TEAD1: variants seen among roughly 807,000 people sequenced by gnomAD.
TEAD1 encodes the protein TEA domain transcription factor 1.
A neutral mutation model predicts 54.9 loss-of-function variants in TEAD1; 9 were observed. That is an observed-to-expected ratio of 0.16 (90% CI 0.10 to 0.29). The LOEUF (loss-of-function observed/expected upper bound fraction) is 0.29, where lower values mean the gene tolerates loss of function less well. Ranked by LOEUF, TEAD1 falls within the 10% of genes least tolerant of loss-of-function variation. The pLI, the probability that TEAD1 is intolerant of heterozygous loss-of-function variation, is 1.00. For missense variants in TEAD1, 387 were observed against 535.9 expected, an observed-to-expected ratio of 0.72 and a Z score of 2.74; for synonymous variants, 200 against 187.8, an observed-to-expected ratio of 1.07 and a Z score of -0.53.
At position 12,775,889 on chromosome 11, in the gene TEAD1, T is replaced by C. The variant is rs146890502; in HGVS notation, c.202+11455T>C. Among the ~76,000 whole-genome samples, 1,194 of 152,218 alleles carry C rather than the reference T, an allele frequency of 7.8e-3. 20 individuals carry two copies. The highest frequency in any genetic ancestry group is 0.028 in the African/African-American group (1,141 of 41,474). ...TCTGGTTCTGAGTAAAGGATATTCA[T>C]TAAAGAAAAATGTGGAAAATAGCAA... On this transcript the variant is annotated intron_variant, in intron 3 of 12. Coordinates refer to ENST00000527636, the MANE Select transcript of TEAD1 (RefSeq NM_021961.6).
intron 7 of TEAD1, 47 bp downstream of exon 7, chr11:12,881,098 GCCC>G: frequency 1.2e-6 from 2 of 1,602,534 alleles, no homozygotes; most frequent in Non-Finnish European, 1.7e-6. Flanking sequence ...GCTGGTCCCA[GCCC>G]ACGTGGGGAG....
intron 11 of TEAD1, among the ~76,000 whole-genome samples, chr11:12,925,394 A>G (rs1948886959): frequency 6.6e-6 from 1 of 152,152 alleles, no homozygotes; most frequent in Non-Finnish European, 1.5e-5. Context: ...TTAAACCATC[A>G]GATCTGGTGA....
chr11:12,940,874 G>C lies in TEAD1; in HGVS notation c.*3652G>C, dbSNP rs1949156249. The C allele has an allele frequency of 6.6e-6, 1 of 152,232 alleles. No individual in the cohort carries two copies. The highest frequency in any genetic ancestry group is 2.4e-5 in the African/African-American group (1 of 41,460). 9.4% of individuals were successfully genotyped at this position (152,232 alleles called of 1,614,324 possible). On this transcript the variant is annotated 3_prime_UTR_variant, in exon 13 of 13. Transcript: ENST00000527636. The stretch of plus-strand genomic sequence containing the variant: ...ACCTCTGGAACATTTCACCTTTAGA[G>C]ATGGAGGATGGAAGGATTGGTACCA...
intron 5 of TEAD1, among the ~76,000 whole-genome samples, chr11:12,878,302 T>C (rs1313168010): frequency 6.6e-6 from 1 of 152,212 alleles, no homozygotes; most frequent in Non-Finnish European, 1.5e-5. Context: ...GCCTTGCTTT[T>C]GATGCCTTGA....
chr11:12,726,645 A>C (rs1944319756), intron 2 of TEAD1, among the ~76,000 whole-genome samples: 1 of 152,056 alleles, frequency 6.6e-6, no homozygotes, highest in Non-Finnish European at 1.5e-5. Flanking sequence ...GAGGCTGGCC[A>C]ATTGCTTGAG....
intron 2 of TEAD1, among the ~76,000 whole-genome samples, chr11:12,704,058 A>G (rs2133842295): frequency 6.6e-6 from 1 of 152,324 alleles, no homozygotes; most frequent in African/African-American, 2.4e-5. Flanking sequence ...GACTCCTACC[A>G]AGTCAGAGAT....
At chr11:12,871,005 T>C (rs943177122) in intron 5 of TEAD1, among the ~76,000 whole-genome samples, 1 of 152,206 alleles carries the variant, frequency 6.6e-6, no homozygotes, top group Non-Finnish European at 1.5e-5. Flanking sequence ...TGTGTTTGTC[T>C]CCTACTCAGA....
At chr11:12,843,537 TTAGAG>T (rs1947082733) in intron 3 of TEAD1, among the ~76,000 whole-genome samples, 1 of 152,190 alleles carries the variant, frequency 6.6e-6, no homozygotes, top group South Asian at 2.1e-4. Flanking sequence ...TAAACCAGTC[TTAGAG>T]TAAATTATAA....
chr11:12,705,376 T>C (rs1051539559), intron 2 of TEAD1, among the ~76,000 whole-genome samples: 1 of 152,128 alleles, frequency 6.6e-6, no homozygotes, highest in Admixed American at 6.5e-5. Flanking sequence ...TCGGTGTCAT[T>C]GTAGAGTGAT....
chr11:12,780,081 A>T (rs367667330), intron 3 of TEAD1, among the ~76,000 whole-genome samples: 49 of 152,284 alleles, frequency 3.2e-4, no homozygotes, highest in African/African-American at 1.1e-3. Flanking sequence ...AAATGAAATA[A>T]AAATTACTCA....
chr11:12,835,170 G>GT (rs1331925612), intron 3 of TEAD1, among the ~76,000 whole-genome samples: 4 of 151,866 alleles, frequency 2.6e-5, no homozygotes, highest in Non-Finnish European at 2.9e-5. Context: ...AACCTTGTTG[G>GT]TTTTTTTTAG....
intron 2 of TEAD1, among the ~76,000 whole-genome samples, chr11:12,679,625 A>T (rs1009292360): frequency 2.0e-5 from 3 of 152,220 alleles, no homozygotes; most frequent in Admixed American, 6.5e-5. Context: ...GAACTTTTTT[A>T]AAAAAATGCA....
chr11:12,858,320 A>G (rs192971877), intron 3 of TEAD1, among the ~76,000 whole-genome samples: 37 of 152,310 alleles, frequency 2.4e-4, no homozygotes, highest in African/African-American at 7.9e-4. Flanking sequence ...TTTTAGTAGA[A>G]TTAGAGCCAT....
chr11:12,827,581 C>T (rs1946682134), intron 3 of TEAD1, among the ~76,000 whole-genome samples: 1 of 152,160 alleles, frequency 6.6e-6, no homozygotes, highest in Non-Finnish European at 1.5e-5. Context: ...ATTTGAATCC[C>T]ATCTACTGAT....
In TEAD1 at chr11:12,797,402, C is replaced by T. The variant is rs115329339; in HGVS notation, c.202+32968C>T. Among the ~76,000 whole-genome samples, 1,049 of 152,258 alleles carry T rather than the reference C, an allele frequency of 6.9e-3. 14 individuals carry two copies. The highest frequency in any genetic ancestry group is 0.023 in the African/African-American group (948 of 41,554). On this transcript the variant is annotated intron_variant, in intron 3 of 12. Coordinates refer to ENST00000527636, the MANE Select transcript of TEAD1 (RefSeq NM_021961.6). The stretch of plus-strand genomic sequence containing the variant: ...GTCCTCAGACTAGGGCTTTCACAGA[C>T]GGTTGGCACCCTATCCAATGACAAT...
At chr11:12,848,348 C>A (rs1947199204) in intron 3 of TEAD1, among the ~76,000 whole-genome samples, 1 of 152,134 alleles carries the variant, frequency 6.6e-6, no homozygotes, top group Non-Finnish European at 1.5e-5. Flanking sequence ...AGGCTTTATT[C>A]TTCTGTATTG....
chr11:12,933,571 T>C (rs1438544714), intron 12 of TEAD1, among the ~76,000 whole-genome samples: 1 of 152,210 alleles, frequency 6.6e-6, no homozygotes, highest in Non-Finnish European at 1.5e-5. Flanking sequence ...TATGTCTTTT[T>C]TCGTCCCCAA....
intron 3 of TEAD1, among the ~76,000 whole-genome samples, chr11:12,779,972 G>C (rs1434423397): frequency 6.6e-6 from 1 of 152,180 alleles, no homozygotes. Context: ...AATAGTAAAA[G>C]ACTGAATGCT....
chr11:12,749,715 T>C (rs1217031011), intron 2 of TEAD1, among the ~76,000 whole-genome samples: 2 of 152,218 alleles, frequency 1.3e-5, no homozygotes, highest in African/African-American at 2.4e-5. Context: ...CTTACAGTGC[T>C]TGTGGACGGC....
Sources: allele counts gnomAD v4.1 joint callset (sites outside exome capture counted in the v4.1 genomes callset), GRCh38; gene constraint gnomAD v4.1.1; transcripts MANE v1.5; gene names NCBI Gene and HGNC (gene_info 2026-07-23, HGNC 2026-07-21).